EDIL3: variants seen among roughly 807,000 people sequenced by gnomAD.
EDIL3 encodes EGF-like repeat and discoidin I-like domain-containing protein 3.
Under a neutral mutation model 67.4 loss-of-function variants are expected in EDIL3, and 37 were observed. That is an observed-to-expected ratio of 0.55 (90% CI 0.42 to 0.72). The LOEUF is 0.72. Ranked by LOEUF, EDIL3 falls within the 30% of genes least tolerant of loss-of-function variation. The probability of loss-of-function intolerance (pLI) is 0.00; values close to 1 mark genes in which losing one functional copy is unlikely to be tolerated. For missense variants in EDIL3, 527 were observed against 586.3 expected (o/e 0.90, Z 1.04); for synonymous variants, 195 against 196.3 (o/e 0.99, Z 0.05).
At chr5:84,206,114 C>G (rs1743972755) in intron 3 of EDIL3, among the ~76,000 whole-genome samples, 1 of 150,632 alleles carries the variant, frequency 6.6e-6, no homozygotes, top group South Asian at 2.1e-4. Context: ...TATGTTGTGT[C>G]TTTGTTCTCG....
At chr5:84,194,491 T>TC (rs1743658232) in intron 3 of EDIL3, among the ~76,000 whole-genome samples, 1 of 151,914 alleles carries the variant, frequency 6.6e-6, no homozygotes, top group Non-Finnish European at 1.5e-5. Flanking sequence ...GTAAAAAACT[T>TC]CTCTGTATGC....
chr5:84,355,311 G>A (rs550768314), intron 1 of EDIL3, among the ~76,000 whole-genome samples: 4 of 151,818 alleles, frequency 2.6e-5, no homozygotes, highest in Admixed American at 6.6e-5. Flanking sequence ...CGAAGTTCTC[G>A]TGCTGTGTTT....
intron 1 of EDIL3, among the ~76,000 whole-genome samples, chr5:84,359,287 T>A (rs1747549961): frequency 1.3e-5 from 2 of 152,192 alleles, no homozygotes; most frequent in African/African-American, 2.4e-5. Context: ...ATAAATGTCA[T>A]CTCTAGTGCC....
intron 10 of EDIL3, among the ~76,000 whole-genome samples, chr5:83,962,238 C>T (rs923714570): frequency 6.6e-6 from 1 of 151,448 alleles, no homozygotes; most frequent in African/African-American, 2.4e-5. Flanking sequence ...GATTACATAA[C>T]ATAAAAATAA....
At chr5:84,278,944 A>G (rs1745640808) in intron 1 of EDIL3, among the ~76,000 whole-genome samples, 1 of 152,164 alleles carries the variant, frequency 6.6e-6, no homozygotes, top group African/African-American at 2.4e-5. Context: ...AGCCATATCA[A>G]TATTTTTTCA....
At chr5:83,953,423 A>G (rs1222250859) in intron 10 of EDIL3, among the ~76,000 whole-genome samples, 2 of 151,806 alleles carry the variant, frequency 1.3e-5, no homozygotes, top group African/African-American at 2.4e-5. Context: ...TTGATCTCAG[A>G]AGAGAAAAGT....
chr5:84,347,018 G>C (rs1328904501), intron 1 of EDIL3, among the ~76,000 whole-genome samples: 1 of 152,030 alleles, frequency 6.6e-6, no homozygotes, highest in African/African-American at 2.4e-5. Flanking sequence ...CATGCAACAA[G>C]TACTAAAAAA....
intron 1 of EDIL3, among the ~76,000 whole-genome samples, chr5:84,378,093 T>C (rs1335579957): frequency 6.6e-6 from 1 of 152,226 alleles, no homozygotes; most frequent in East Asian, 1.9e-4. Context: ...TAAAACTTTA[T>C]TACCTTAGAA....
At chr5:84,107,744 A>G (rs539865581) in intron 5 of EDIL3, among the ~76,000 whole-genome samples, 11 of 150,144 alleles carry the variant, frequency 7.3e-5, no homozygotes, top group East Asian at 1.9e-4. Flanking sequence ...AAAAAATTAC[A>G]TATATATTTG....
chr5:84,165,153 C>T (rs145486341), intron 4 of EDIL3, among the ~76,000 whole-genome samples: 82 of 152,214 alleles, frequency 5.4e-4, no homozygotes, highest in African/African-American at 1.9e-3. Context: ...CCTAACTGTG[C>T]TTCTTGCTAT....
At chr5:83,950,759 A>G (rs1284831027) in intron 10 of EDIL3, among the ~76,000 whole-genome samples, 1 of 151,824 alleles carries the variant, frequency 6.6e-6, no homozygotes, top group Admixed American at 6.6e-5. Flanking sequence ...TCAGTAACAA[A>G]AAATCCAACT....
chr5:84,369,190 T>C (rs565626603), intron 1 of EDIL3, among the ~76,000 whole-genome samples: 61 of 151,144 alleles, frequency 4.0e-4, no homozygotes, highest in African/African-American at 1.3e-3. Flanking sequence ...TTATTCACAA[T>C]AGCAAAAACT....
chr5:84,219,557 T>C (rs1744297572), intron 3 of EDIL3, among the ~76,000 whole-genome samples: 1 of 152,006 alleles, frequency 6.6e-6, no homozygotes, highest in African/African-American at 2.4e-5. Context: ...AATTTGGAGG[T>C]TCCTCAAAAA....
intron 2 of EDIL3, among the ~76,000 whole-genome samples, chr5:84,253,321 G>A (rs570412193): frequency 2.0e-5 from 3 of 152,202 alleles, no homozygotes; most frequent in South Asian, 2.1e-4. Context: ...GTACTAATGC[G>A]AAAAATATAA....
At chr5:84,240,731 T>A (rs955425874) in intron 2 of EDIL3, among the ~76,000 whole-genome samples, 2 of 152,160 alleles carry the variant, frequency 1.3e-5, no homozygotes, top group African/African-American at 4.8e-5. Flanking sequence ...CCAAAAAGGT[T>A]GGGGACCGCA....
At chr5:84,320,862 C>T (rs1473247303) in intron 1 of EDIL3, among the ~76,000 whole-genome samples, 1 of 152,146 alleles carries the variant, frequency 6.6e-6, no homozygotes, top group East Asian at 1.9e-4. Context: ...GCAATTGCAA[C>T]ATTTCTTGTG....
chr5:84,132,584 T>A (rs1748012281), intron 5 of EDIL3, among the ~76,000 whole-genome samples: 1 of 115,860 alleles, frequency 8.6e-6, no homozygotes, highest in East Asian at 2.2e-4. Context: ...AATATATATT[T>A]TATATATTTT....
intron 4 of EDIL3, among the ~76,000 whole-genome samples, chr5:84,179,493 A>G (rs999949250): frequency 6.6e-5 from 10 of 152,208 alleles, no homozygotes; most frequent in Non-Finnish European, 1.2e-4. Context: ...TCCCAAAGTC[A>G]CAGAGCCTGA....
chr5:84,217,784 C>T (rs1744261700), intron 3 of EDIL3, among the ~76,000 whole-genome samples: 1 of 150,756 alleles, frequency 6.6e-6, no homozygotes, highest in African/African-American at 2.4e-5. Context: ...TTCTGTTTCT[C>T]TGGAGAACTG....
Sources: allele counts gnomAD v4.1 joint callset (sites outside exome capture counted in the v4.1 genomes callset), GRCh38; gene constraint gnomAD v4.1.1; transcripts MANE v1.5; gene names NCBI Gene and HGNC (gene_info 2026-07-23, HGNC 2026-07-21).